The following GSK3B variants were observed in gnomAD, a reference collection of about 807,000 sequenced individuals.
The protein encoded by GSK3B is glycogen synthase kinase-3 beta.
Under a neutral mutation model 56.4 loss-of-function variants are expected in GSK3B, and 15 were observed. The observed-to-expected ratio is 0.27, with a 90% CI of 0.18 to 0.41. The LOEUF (loss-of-function observed/expected upper bound fraction) is 0.41, where lower values mean the gene tolerates loss of function less well. GSK3B is among the 10% of genes least tolerant of loss of function. The pLI is 1.00. For synonymous variants in GSK3B, 181 were observed against 188.9 expected, an observed-to-expected ratio of 0.96 and a Z score of 0.34; for missense variants, 300 against 513.4, an observed-to-expected ratio of 0.58 and a Z score of 4.02.
rs552456766 is a variant in GSK3B, at chr3:120,087,955, C to T, written c.88+5392G>A. ...TCGCCCAGGCTGGAGTGCAGTGGCA[C>T]GATCTCAGCTCACTGCAATCTCCGC... On this transcript the variant is annotated intron_variant, in intron 1 of 10. Transcript: ENST00000264235. Among the ~76,000 whole-genome samples the T allele has an allele frequency of 3.3e-5, 5 of 152,146 alleles. No individual in the cohort carries two copies. In the South Asian group the frequency reaches 1.0e-3, roughly 32 times the overall value.
chr3:119,891,056 A>T (rs1031429104), intron 7 of GSK3B, among the ~76,000 whole-genome samples: 2 of 152,056 alleles, frequency 1.3e-5, no homozygotes, highest in African/African-American at 4.8e-5. Context: ...AACAACAATC[A>T]GGTGACAATA....
rs544422303 is a variant in GSK3B at position 119,865,975 on chromosome 3, T to C, written c.910-2370A>G. On this transcript the variant is annotated intron_variant, in intron 8 of 10. Coordinates refer to ENST00000264235, the MANE Select transcript of GSK3B (RefSeq NM_001146156.2). ...AGATTTAACCTGCCTTTACAAAAAC[T>C]ATACACTGTCATTTTAAACCCTTGA... 2.0e-5 allele frequency among the ~76,000 whole-genome samples: 3 copies of C among 152,294 alleles called. No individual in the cohort carries two copies. In the East Asian group the frequency reaches 5.8e-4, roughly 29 times the overall value.
chr3:119,915,978 T>G, intron 5 of GSK3B, 66 bp downstream of exon 5: 1 of 1,132,362 alleles, frequency 8.8e-7, no homozygotes, highest in Non-Finnish European at 1.3e-6. Flanking sequence ...AAGGAATATA[T>G]TTAAAAGAAG....
intron 3 of GSK3B, among the ~76,000 whole-genome samples, chr3:119,924,345 G>A (rs888103611): frequency 1.3e-5 from 2 of 152,212 alleles, no homozygotes; most frequent in African/African-American, 2.4e-5. Context: ...CTTGGCTACT[G>A]AGTGAGAAAT....
chr3:119,958,008 G>A (rs1161288718), intron 2 of GSK3B, among the ~76,000 whole-genome samples: 2 of 152,060 alleles, frequency 1.3e-5, no homozygotes, highest in African/African-American at 4.8e-5. Flanking sequence ...TAATCCCCAC[G>A]TGCTGAGGCG....
chr3:119,930,851 G>T (rs1158665124), intron 3 of GSK3B, among the ~76,000 whole-genome samples: 1 of 152,200 alleles, frequency 6.6e-6, no homozygotes, highest in African/African-American at 2.4e-5. Flanking sequence ...TGCATTGCAA[G>T]TAGTGATATC....
chr3:119,960,351 A>C (rs2057259795), intron 2 of GSK3B, among the ~76,000 whole-genome samples: 1 of 152,050 alleles, frequency 6.6e-6, no homozygotes, highest in Non-Finnish European at 1.5e-5. Context: ...CAGTAAGAGG[A>C]TACTTGTGAT....
chr3:119,934,837 A>G (rs997618684), intron 3 of GSK3B, among the ~76,000 whole-genome samples: 1 of 152,278 alleles, frequency 6.6e-6, no homozygotes, highest in Admixed American at 6.5e-5. Flanking sequence ...TAAGAAATTT[A>G]TATCTGTTAA....
intron 8 of GSK3B, among the ~76,000 whole-genome samples, chr3:119,869,457 G>C (rs1409140448): frequency 6.6e-6 from 1 of 152,112 alleles, no homozygotes; most frequent in Non-Finnish European, 1.5e-5. Context: ...TTCAGCTCAA[G>C]TCTACTGCAT....
chr3:119,900,900 A>G (rs2056618005), intron 7 of GSK3B, among the ~76,000 whole-genome samples: 1 of 152,156 alleles, frequency 6.6e-6, no homozygotes, highest in Admixed American at 6.6e-5. Context: ...ATGATGTGCT[A>G]GAACAGTAAG....
intron 1 of GSK3B, among the ~76,000 whole-genome samples, chr3:120,058,708 CTGTG>C (rs1427473677): frequency 6.6e-6 from 1 of 151,946 alleles, no homozygotes; most frequent in Non-Finnish European, 1.5e-5. Context: ...ATTATGAGGA[CTGTG>C]TCAAAAGAAT....
intron 2 of GSK3B, among the ~76,000 whole-genome samples, chr3:119,962,765 T>C (rs745717199): frequency 2.6e-5 from 4 of 152,216 alleles, no homozygotes; most frequent in Non-Finnish European, 4.4e-5. Flanking sequence ...ACCAGTTCCA[T>C]AGAAGACTAT....
intron 3 of GSK3B, among the ~76,000 whole-genome samples, chr3:119,937,711 G>GA (rs2057009962): frequency 6.6e-6 from 1 of 151,212 alleles, no homozygotes; most frequent in African/African-American, 2.4e-5. Context: ...TACAACCGGA[G>GA]AACTACAAAG....
chr3:120,037,041 C>T (rs1293053213), intron 1 of GSK3B, among the ~76,000 whole-genome samples: 2 of 152,138 alleles, frequency 1.3e-5, no homozygotes, highest in African/African-American at 4.8e-5. Context: ...ACAGCAGTTC[C>T]TATCACTGCA....
intron 2 of GSK3B, among the ~76,000 whole-genome samples, chr3:119,987,460 C>T (rs1049669885): frequency 6.6e-6 from 1 of 152,046 alleles, no homozygotes; most frequent in Non-Finnish European, 1.5e-5. Context: ...TTTTTACCTA[C>T]ATTAAAAAGT....
At chr3:119,922,081 G>A (rs1447863171) in intron 4 of GSK3B, among the ~76,000 whole-genome samples, 1 of 151,914 alleles carries the variant, frequency 6.6e-6, no homozygotes, top group Non-Finnish European at 1.5e-5. Context: ...AGGTTGCAGT[G>A]AGCCGAGATT....
At chr3:119,828,521 A>G (rs1559798672) in intron 10 of GSK3B, among the ~76,000 whole-genome samples, 1 of 152,220 alleles carries the variant, frequency 6.6e-6, no homozygotes, top group South Asian at 2.1e-4. Flanking sequence ...GCAGACTCAG[A>G]AGTTTTTTTC....
At chr3:119,862,188 G>A (rs1282710474) in intron 9 of GSK3B, among the ~76,000 whole-genome samples, 2 of 147,804 alleles carry the variant, frequency 1.4e-5, no homozygotes, top group African/African-American at 5.0e-5. Context: ...GGAATACTAT[G>A]CAGCCATAAA....
At chr3:120,062,295 A>T (rs1374288200) in intron 1 of GSK3B, among the ~76,000 whole-genome samples, 1 of 152,220 alleles carries the variant, frequency 6.6e-6, no homozygotes, top group Non-Finnish European at 1.5e-5. Context: ...ACTTGTTTAA[A>T]GTATGTTACA....
Sources: allele counts gnomAD v4.1 joint callset (sites outside exome capture counted in the v4.1 genomes callset), GRCh38; gene constraint gnomAD v4.1.1; transcripts MANE v1.5; gene names NCBI Gene and HGNC (gene_info 2026-07-23, HGNC 2026-07-21).